Variants in MGMT observed in about 807,000 individuals in gnomAD.
MGMT encodes the protein methylated-DNA--protein-cysteine methyltransferase.
A neutral mutation model predicts 15.9 loss-of-function variants in MGMT; 14 were observed. The ratio of observed to expected loss-of-function variants is 0.88; its 90% CI spans 0.58 to 1.37. The LOEUF (loss-of-function observed/expected upper bound fraction) is 1.37. MGMT is among the 40% of genes most tolerant of loss of function. The probability of loss-of-function intolerance (pLI) is 0.00; values close to 1 mark genes in which losing one functional copy is unlikely to be tolerated. For synonymous variants in MGMT, 130 were observed against 118.2 expected (o/e 1.10, Z -0.65); for missense variants, 282 against 268.1 (o/e 1.05, Z -0.36).
chr10:129,750,507 TG>T (rs779506012), intron 3 of MGMT, among the ~76,000 whole-genome samples: 18 of 152,150 alleles, frequency 1.2e-4, no homozygotes, highest in Non-Finnish European at 2.2e-4. Flanking sequence ...AAGGAAAGAA[TG>T]GTTGCATCTT....
Position 129,600,248 on chromosome 10 carries a change from T to G in MGMT, c.125+63871T>G, listed in dbSNP as rs548835279. ...GCACAAAATTATTTTCCTGGGATGG[T>G]CCCTTGAGTTAGTTCGTGGTTAGGG... On this transcript the variant is annotated intron_variant, in intron 2 of 4. Transcript: ENST00000651593. 1.1e-4 allele frequency among the ~76,000 whole-genome samples: 16 copies of G among 152,248 alleles called. No individual in the cohort carries two copies. In the East Asian group the frequency reaches 3.1e-3, roughly 29 times the overall value.
At chr10:129,565,799 C>T (rs150303513) in intron 2 of MGMT, among the ~76,000 whole-genome samples, 5 of 152,190 alleles carry the variant, frequency 3.3e-5, no homozygotes, top group African/African-American at 9.6e-5. Context: ...TCTTGATGAT[C>T]GAGGGTTATT....
chr10:129,728,548 A>G (rs1848459494), intron 3 of MGMT, among the ~76,000 whole-genome samples: 2 of 152,060 alleles, frequency 1.3e-5, no homozygotes, highest in African/African-American at 4.8e-5. Flanking sequence ...TCAGGGTCAG[A>G]CCCAGCCCTC....
intron 1 of MGMT, among the ~76,000 whole-genome samples, chr10:129,479,781 G>A (rs1299876322): frequency 6.6e-6 from 1 of 151,992 alleles, no homozygotes; most frequent in Admixed American, 6.6e-5. Flanking sequence ...GTGTTGTGGA[G>A]GGGTTGGGGT....
At chr10:129,588,441 G>C (rs901384827) in intron 2 of MGMT, among the ~76,000 whole-genome samples, 1 of 152,176 alleles carries the variant, frequency 6.6e-6, no homozygotes, top group African/African-American at 2.4e-5. Context: ...TCATTTACCA[G>C]CTTTTTATTA....
intron 1 of MGMT, among the ~76,000 whole-genome samples, chr10:129,519,664 C>G (rs1228015211): frequency 2.0e-5 from 3 of 152,210 alleles, no homozygotes; most frequent in African/African-American, 7.2e-5. Flanking sequence ...AGTCATAAAT[C>G]ATCCCATGTG....
chr10:129,518,079 G>A (rs1455314245), intron 1 of MGMT, among the ~76,000 whole-genome samples: 1 of 152,028 alleles, frequency 6.6e-6, no homozygotes, highest in Non-Finnish European at 1.5e-5. Context: ...TTGGGAGGAT[G>A]TGGGATGGCT....
intron 2 of MGMT, among the ~76,000 whole-genome samples, chr10:129,557,698 T>G (rs1328197430): frequency 1.3e-5 from 2 of 152,192 alleles, no homozygotes; most frequent in East Asian, 3.8e-4. Context: ...CAGGAACCCA[T>G]TATAATTTTT....
At chr10:129,590,891 C>T (rs564745565) in intron 2 of MGMT, among the ~76,000 whole-genome samples, 43 of 152,322 alleles carry the variant, frequency 2.8e-4, no homozygotes, top group African/African-American at 1.0e-3. Context: ...TCTCTCCCGC[C>T]GGCTGACGGA....
intron 2 of MGMT, chr10:129,700,607 A>G (rs540487333): frequency 6.6e-6 from 1 of 152,314 alleles, no homozygotes; most frequent in East Asian, 1.9e-4. Context: ...CACTAACCGC[A>G]TGCATTTCAG....
intron 2 of MGMT, among the ~76,000 whole-genome samples, chr10:129,669,460 T>C (rs964359249): frequency 6.6e-6 from 1 of 152,200 alleles, no homozygotes; most frequent in African/African-American, 2.4e-5. Context: ...ATCAGTTTCC[T>C]ATATGAGATC....
At chr10:129,662,138 A>T (rs1054787198) in intron 2 of MGMT, among the ~76,000 whole-genome samples, 5 of 152,190 alleles carry the variant, frequency 3.3e-5, no homozygotes, top group African/African-American at 1.2e-4. Context: ...CGGGAGGCAG[A>T]ATCATAAACA....
At chr10:129,616,418 T>C (rs57460585) in intron 2 of MGMT, among the ~76,000 whole-genome samples, 14,100 of 152,128 alleles carry the variant, frequency 0.093, 874 homozygotes, top group East Asian at 0.32. Flanking sequence ...AGCGAGGGCA[T>C]AGAAGCTGTG....
At chr10:129,476,733 T>A (rs1409363148) in intron 1 of MGMT, among the ~76,000 whole-genome samples, 2 of 152,102 alleles carry the variant, frequency 1.3e-5, no homozygotes, top group African/African-American at 2.4e-5. Flanking sequence ...GAAGGGGTGC[T>A]GCCCTGTGTG....
chr10:129,565,452 G>T (rs1846343684), intron 2 of MGMT, among the ~76,000 whole-genome samples: 1 of 152,156 alleles, frequency 6.6e-6, no homozygotes. Context: ...AATATATCTT[G>T]TTGAATGATG....
chr10:129,708,478 A>T (rs573421166), intron 3 of MGMT, among the ~76,000 whole-genome samples: 5 of 152,328 alleles, frequency 3.3e-5, no homozygotes, highest in African/African-American at 1.2e-4. Flanking sequence ...AGGTAGCAGC[A>T]TTGGAGCTTC....
At chr10:129,722,447 C>T (rs1461621747) in intron 3 of MGMT, among the ~76,000 whole-genome samples, 1 of 152,188 alleles carries the variant, frequency 6.6e-6, no homozygotes, top group African/African-American at 2.4e-5. Flanking sequence ...GTCACATCTA[C>T]ACAAATTGCC....
intron 1 of MGMT, among the ~76,000 whole-genome samples, chr10:129,494,421 G>C (rs889864500): frequency 6.6e-6 from 1 of 152,164 alleles, no homozygotes; most frequent in African/African-American, 2.4e-5. Flanking sequence ...CACTTGCTGC[G>C]TGTCAGCCGG....
chr10:129,583,562 C>T (rs891139141), intron 2 of MGMT, among the ~76,000 whole-genome samples: 2 of 152,218 alleles, frequency 1.3e-5, no homozygotes, highest in Non-Finnish European at 2.9e-5. Context: ...GGATAGATTG[C>T]AGCCTAGGGG....
Sources: gnomAD v4.1 joint callset for allele counts (sites outside exome capture counted in the v4.1 genomes callset) on GRCh38, gnomAD v4.1.1 for gene constraint, MANE v1.5 for transcripts, NCBI Gene and HGNC (gene_info 2026-07-23, HGNC 2026-07-21) for gene names.